Variants in KCNMA1 observed in about 807,000 individuals in gnomAD.
KCNMA1 encodes the protein potassium calcium-activated channel subfamily M alpha 1, also known as Calcium-activated potassium channel subunit alpha-1.
In KCNMA1, 29 loss-of-function variants were observed where a neutral mutation model predicts 140.0. That is an observed-to-expected ratio of 0.21 (90% CI 0.15 to 0.28). KCNMA1 has a LOEUF of 0.28. Ranked by LOEUF, KCNMA1 falls within the 10% of genes least tolerant of loss-of-function variation. The pLI, the probability that KCNMA1 is intolerant of heterozygous loss-of-function variation, is 1.00. For missense variants in KCNMA1, 880 were observed against 1,602.2 expected (o/e 0.55, Z 7.70); for synonymous variants, 612 against 611.9 (o/e 1.00, Z 0.00).
intron 2 of KCNMA1, among the ~76,000 whole-genome samples, chr10:77,389,137 C>T (rs1021883084): frequency 6.6e-6 from 1 of 152,152 alleles, no homozygotes; most frequent in African/African-American, 2.4e-5. Context: ...TAAAAGTTAA[C>T]CTACAAGGAA....
chr10:77,081,060 G>A (rs2096552925), intron 12 of KCNMA1, among the ~76,000 whole-genome samples: 1 of 152,116 alleles, frequency 6.6e-6, no homozygotes, highest in Non-Finnish European at 1.5e-5. Flanking sequence ...CAAACTCAAT[G>A]TTAAGCATGG....
chr10:77,332,712 G>A (rs1272891842), intron 2 of KCNMA1, among the ~76,000 whole-genome samples: 1 of 152,190 alleles, frequency 6.6e-6, no homozygotes, highest in South Asian at 2.1e-4. Context: ...ACATCCATGG[G>A]ATCACAGCAA....
At chr10:77,281,845 T>C (rs551462738) in intron 2 of KCNMA1, among the ~76,000 whole-genome samples, 1 of 152,338 alleles carries the variant, frequency 6.6e-6, no homozygotes, top group South Asian at 2.1e-4. Flanking sequence ...GAAAAATCTA[T>C]AGAAACCTAA....
chr10:77,492,270 C>A (rs1315623983), intron 1 of KCNMA1, among the ~76,000 whole-genome samples: 1 of 152,222 alleles, frequency 6.6e-6, no homozygotes, highest in Non-Finnish European at 1.5e-5. Flanking sequence ...CCCCTCTGCT[C>A]AAGCTGACCT....
At chr10:76,889,795 C>G (rs1286509579) in intron 26 of KCNMA1, 1 of 579,134 alleles carries the variant, frequency 1.7e-6, no homozygotes, top group African/African-American at 1.9e-5. Flanking sequence ...CCTCTGGTGT[C>G]TCTCCAGTTT....
chr10:77,362,240 C>A (rs1422072834), intron 2 of KCNMA1, among the ~76,000 whole-genome samples: 2 of 152,230 alleles, frequency 1.3e-5, no homozygotes, highest in East Asian at 3.9e-4. Context: ...TGAGACCCTT[C>A]CGATCCATTG....
chr10:77,070,919 G>A (rs1228941830), intron 14 of KCNMA1, among the ~76,000 whole-genome samples: 1 of 152,180 alleles, frequency 6.6e-6, no homozygotes, highest in African/African-American at 2.4e-5. Context: ...TCCAGGTCAT[G>A]TACCTTAGCC....
chr10:77,468,698 T>A (rs1222348841), intron 1 of KCNMA1, among the ~76,000 whole-genome samples: 1 of 152,224 alleles, frequency 6.6e-6, no homozygotes, highest in African/African-American at 2.4e-5. Flanking sequence ...AGAAAATTAA[T>A]TTCTGTTGTG....
chr10:77,129,926 G>C (rs1394620093), intron 5 of KCNMA1, among the ~76,000 whole-genome samples: 2 of 152,096 alleles, frequency 1.3e-5, no homozygotes, highest in African/African-American at 4.8e-5. Context: ...TAACAATTGA[G>C]ATATACATTG....
intron 13 of KCNMA1, among the ~76,000 whole-genome samples, chr10:77,076,100 C>A (rs2096387756): frequency 6.6e-6 from 1 of 152,062 alleles, no homozygotes; most frequent in South Asian, 2.1e-4. Flanking sequence ...TTTTGGGAAG[C>A]CACTATGAGG....
chr10:77,302,085 C>T (rs2076666294), intron 2 of KCNMA1, among the ~76,000 whole-genome samples: 1 of 152,016 alleles, frequency 6.6e-6, no homozygotes, highest in African/African-American at 2.4e-5. Context: ...ACTTCCTTCT[C>T]ACAGTAAGTG....
At chr10:76,887,574 C>T (rs564745394) in intron 27 of KCNMA1, 59 bp from the exon 28 acceptor site, 1 of 1,597,740 alleles carries the variant, frequency 6.3e-7, no homozygotes, top group Non-Finnish European at 8.6e-7. Flanking sequence ...GAATTCAACT[C>T]TCTCTGAACC....
chr10:77,292,667 G>C (rs1261992637), intron 2 of KCNMA1, among the ~76,000 whole-genome samples: 1 of 152,048 alleles, frequency 6.6e-6, no homozygotes, highest in African/African-American at 2.4e-5. Context: ...GTCAACCTCC[G>C]GGTTGCCCTA....
At chr10:77,440,476 C>G (rs1476794921) in intron 1 of KCNMA1, among the ~76,000 whole-genome samples, 1 of 152,160 alleles carries the variant, frequency 6.6e-6, no homozygotes, top group African/African-American at 2.4e-5. Context: ...GCTAGAGAAG[C>G]CCAAGACCCC....
At chr10:77,264,074 C>A (rs74143324) in intron 2 of KCNMA1, among the ~76,000 whole-genome samples, 3,187 of 152,222 alleles carry the variant, frequency 0.021, 110 homozygotes, top group African/African-American at 0.072. Flanking sequence ...CAATAAATTC[C>A]CACTCCTACA....
intron 2 of KCNMA1, among the ~76,000 whole-genome samples, chr10:77,399,997 G>A (rs2096208342): frequency 6.6e-6 from 1 of 152,238 alleles, no homozygotes; most frequent in African/African-American, 2.4e-5. Context: ...CCCAGATGAG[G>A]AGGCCAAGCT....
chr10:77,012,087 C>T (rs199669244), intron 17 of KCNMA1, 44 bp from the exon 18 acceptor site: 109 of 1,611,806 alleles, frequency 6.8e-5, no homozygotes, highest in Non-Finnish European at 9.1e-5. Flanking sequence ...CATAATCCAC[C>T]CAAATGAAAT....
At chr10:77,111,659 G>T (rs369728517) in intron 7 of KCNMA1, among the ~76,000 whole-genome samples, 1 of 152,128 alleles carries the variant, frequency 6.6e-6, no homozygotes, top group South Asian at 2.1e-4. Context: ...CCCAAGTGTG[G>T]GTAGCTAAGC....
At chr10:77,260,661 A>G (rs531517443) in intron 2 of KCNMA1, among the ~76,000 whole-genome samples, 4 of 152,304 alleles carry the variant, frequency 2.6e-5, no homozygotes, top group Middle Eastern at 3.4e-3. Context: ...GTGAGCTGAG[A>G]TCATACCACT....
Sources: allele counts gnomAD v4.1 joint callset (sites outside exome capture counted in the v4.1 genomes callset), GRCh38; gene constraint gnomAD v4.1.1; transcripts MANE v1.5; gene names NCBI Gene and HGNC (gene_info 2026-07-23, HGNC 2026-07-21).